Variants in BIRC6 observed in about 807,000 individuals in gnomAD.
BIRC6 encodes dual E2 ubiquitin-conjugating enzyme/E3 ubiquitin-protein ligase BIRC6.
Under a neutral mutation model 503.3 loss-of-function variants are expected in BIRC6, and 98 were observed. That is an observed-to-expected ratio of 0.19 (90% CI 0.17 to 0.23). BIRC6 has a LOEUF of 0.23. Ranked by LOEUF, BIRC6 falls within the 10% of genes least tolerant of loss-of-function variation. The probability of loss-of-function intolerance (pLI) is 1.00; values close to 1 mark genes in which losing one functional copy is unlikely to be tolerated. For missense variants in BIRC6, 5,360 were observed against 5,806.0 expected, an observed-to-expected ratio of 0.92 and a Z score of 2.50; for synonymous variants, 2,240 against 2,078.7, an observed-to-expected ratio of 1.08 and a Z score of -2.11.
intron 23 of BIRC6, among the ~76,000 whole-genome samples, chr2:32,458,711 G>C (rs1341991629): frequency 2.6e-5 from 1 of 39,130 alleles, no homozygotes; most frequent in Non-Finnish European, 4.6e-5. Flanking sequence ...TTTTTTTTCT[G>C]ATACAGAGTG....
At chr2:32,421,073 T>C (rs2150115930) in intron 10 of BIRC6, among the ~76,000 whole-genome samples, 1 of 151,574 alleles carries the variant, frequency 6.6e-6, no homozygotes, top group Non-Finnish European at 1.5e-5. Flanking sequence ...TTTGGGTTTA[T>C]TTTGCTCTTC....
At chr2:32,422,496 GA>G (rs144179759) in intron 10 of BIRC6, among the ~76,000 whole-genome samples, 2,391 of 152,010 alleles carry the variant, frequency 0.016, 49 homozygotes, top group African/African-American at 0.056. Context: ...GTCAAACCAA[GA>G]ACTAAAGCAG....
chr2:32,542,433 T>TCA (rs2057734355), intron 61 of BIRC6, among the ~76,000 whole-genome samples: 2 of 152,066 alleles, frequency 1.3e-5, no homozygotes, highest in African/African-American at 4.8e-5. Context: ...CTTATTCCCC[T>TCA]CAGGCATCAA....
intron 1 of BIRC6, among the ~76,000 whole-genome samples, chr2:32,369,885 G>C (rs1234496071): frequency 7.5e-6 from 1 of 133,422 alleles, no homozygotes; most frequent in Non-Finnish European, 1.5e-5. Flanking sequence ...GAGACCAGGA[G>C]TTCCAGGTTA....
At chr2:32,595,650 A>G (rs2061630000) in intron 68 of BIRC6, among the ~76,000 whole-genome samples, 1 of 152,230 alleles carries the variant, frequency 6.6e-6, no homozygotes, top group South Asian at 2.1e-4. Context: ...GAAAACACAT[A>G]CCAAATTTTG....
chr2:32,357,440 C>G lies in BIRC6; in HGVS notation c.279C>G (p.Val93=), dbSNP rs1212820987. ...TCACTAGCCGCGGGACCATCAAAGTCATCGACGGCACCTCGGGGGCCACAC... is the reference window on the plus strand; with the variant it reads ...TCACTAGCCGCGGGACCATCAAAGTGATCGACGGCACCTCGGGGGCCACAC... ...LAVTSRGTIK[V]IDGTSGATLQ... The change falls in exon 1 of 74, where the codon GTC becomes GTG. Residue 93 remains valine, a synonymous_variant. Transcript: ENST00000421745. This position sits in a 1 kb window ranked among gnomAD's most constrained non-coding sequence, Gnocchi z 4.9. 6 of 1,550,228 alleles carry G rather than the reference C, an allele frequency of 3.9e-6. No homozygotes were observed. The highest frequency in any genetic ancestry group is 5.2e-6 in the Non-Finnish European group (6 of 1,147,038).
At chr2:32,586,972 A>G (rs1279440637) in intron 66 of BIRC6, among the ~76,000 whole-genome samples, 2 of 152,226 alleles carry the variant, frequency 1.3e-5, no homozygotes, top group East Asian at 3.8e-4. Context: ...TAATGTCTCA[A>G]AACATTTATC....
chr2:32,581,466 T>A (rs1013921000), intron 66 of BIRC6, among the ~76,000 whole-genome samples: 35 of 152,212 alleles, frequency 2.3e-4, no homozygotes, highest in African/African-American at 7.7e-4. Flanking sequence ...TGCTACTGTT[T>A]ACTTAAATTT....
intron 41 of BIRC6, 94 bp downstream of exon 41, chr2:32,487,895 G>T: frequency 9.6e-7 from 1 of 1,041,294 alleles, no homozygotes; most frequent in Non-Finnish European, 1.4e-6. Flanking sequence ...ATCCTGTCAG[G>T]GATGATTTCT....
At chr2:32,571,405 T>TTTTTTTGG (rs2059908059) in intron 65 of BIRC6, among the ~76,000 whole-genome samples, 1 of 136,762 alleles carries the variant, frequency 7.3e-6, no homozygotes, top group Non-Finnish European at 1.6e-5. Context: ...TTTTTTTTGT[T>TTTTTTTGG]GGGAGATGTT....
At chr2:32,487,850 G>T in intron 41 of BIRC6, 49 bp downstream of exon 41, 2 of 1,480,056 alleles carry the variant, frequency 1.4e-6, no homozygotes, top group Non-Finnish European at 9.3e-7. Flanking sequence ...TTGTTAGCCT[G>T]GTAAAAGATG....
At chr2:32,402,847 A>C (rs771085169) in intron 8 of BIRC6, among the ~76,000 whole-genome samples, 1 of 152,168 alleles carries the variant, frequency 6.6e-6, no homozygotes, top group Non-Finnish European at 1.5e-5. Flanking sequence ...GAAGTTTTGT[A>C]ATTTGGGGAT....
At chr2:32,506,037 C>T (rs866473753) in intron 50 of BIRC6, among the ~76,000 whole-genome samples, 3 of 151,808 alleles carry the variant, frequency 2.0e-5, no homozygotes, top group East Asian at 1.9e-4. Context: ...TTTGTAGAGA[C>T]GGGGTTTTGT....
chr2:32,615,641 A>G (rs1218767161), intron 73 of BIRC6, among the ~76,000 whole-genome samples: 2 of 151,800 alleles, frequency 1.3e-5, no homozygotes, highest in East Asian at 1.9e-4. Context: ...ATTTTATTTT[A>G]TTTTATTTTT....
At chr2:32,575,624 G>T (rs962828453) in intron 66 of BIRC6, among the ~76,000 whole-genome samples, 1 of 152,036 alleles carries the variant, frequency 6.6e-6, no homozygotes, top group Non-Finnish European at 1.5e-5. Flanking sequence ...AATTAGCCAG[G>T]CATGGTGGCG....
At position 32,401,539 on chromosome 2, in the gene BIRC6, C is replaced by T. The variant is rs1401304719; in HGVS notation, c.1334C>T (p.Ser445Leu). The T allele has an allele frequency of 6.2e-7, 1 of 1,613,884 alleles. No homozygotes were observed. Among genetic ancestry groups the T allele is most frequent in the East Asian group, 2.2e-5 (1 of 44,896 alleles). The change falls in exon 8 of 74, where the codon TCA (serine) becomes TTA (leucine). Residue 445 changes from serine (S) to leucine (L), a missense_variant. Around this residue, in one of 16 missense-constraint regions of BIRC6, gnomAD observed 700 missense variants for 739.3 expected, o/e 0.95. Transcript: ENST00000421745. ...CTTATTCTATCAGGAGACCCAAGCT[C>T]AGGAGTTGATTCAAGGAGACCAACT... is the stretch of plus-strand genomic sequence containing the variant. ...QQLILSGDPS[S>L]GVDSRRPTLA... is the part of the protein sequence containing the mutation.
In BIRC6 at chr2:32,442,170, C is replaced by A. The variant is rs1042118842; in HGVS notation, c.4050C>A (p.Ser1350Arg). The change falls in exon 18 of 74, where the codon AGC becomes AGA. Residue 1350 changes from serine to arginine, a missense_variant. Transcript: ENST00000421745. ...GCCAGATCACAGAACATGCCCAGAGCCTTGTGTTGGATACTCTCTGTTGGT... is the reference window on the plus strand; with the variant it reads ...GCCAGATCACAGAACATGCCCAGAGACTTGTGTTGGATACTCTCTGTTGGT... ...DDGQITEHAQSLVLDTLCWLA... is the reference protein window; with the variant it reads ...DDGQITEHAQRLVLDTLCWLA... 4.3e-6 allele frequency: 7 copies of A among 1,611,310 alleles called. No homozygotes were observed. The highest frequency in any genetic ancestry group is 1.3e-5 in the African/African-American group (1 of 74,672).
rs996434365 is a variant in BIRC6 at position 32,467,407 on chromosome 2, T to G, written c.5357-118T>G. The stretch of plus-strand genomic sequence containing the variant: ...ATTTTTACATATTTACTTTTCCTCT[T>G]ATTTATAGTTTAGTGAGTTGCTTTC... On this transcript the variant is annotated intron_variant, in intron 26 of 73. Coordinates refer to ENST00000421745, the MANE Select transcript of BIRC6 (RefSeq NM_016252.4). 1.2e-5 allele frequency: 10 copies of G among 803,182 alleles called. No homozygotes were observed. In the African/African-American group the frequency reaches 1.4e-4, roughly 11 times the overall value. The allele number at this position is 803,182 out of a possible 1,614,324, so 49.8% of individuals were successfully genotyped here. A position where few individuals can be genotyped will look rare whatever the true frequency, so the allele number is the denominator to read the frequency against.
chr2:32,470,600 A>G (rs946105808), intron 31 of BIRC6, among the ~76,000 whole-genome samples: 7 of 152,204 alleles, frequency 4.6e-5, no homozygotes, highest in Non-Finnish European at 8.8e-5. Flanking sequence ...TGTTCCCATC[A>G]ACAATAATGA....
Sources: allele counts gnomAD v4.1 joint callset (sites outside exome capture counted in the v4.1 genomes callset), GRCh38; gene constraint gnomAD v4.1.1; regional missense constraint gnomAD v4.1.1; non-coding constraint Gnocchi (gnomAD v3.1); transcripts MANE v1.5; gene names NCBI Gene and HGNC (gene_info 2026-07-23, HGNC 2026-07-21).